The following GALNT18 variants were observed in gnomAD, a reference collection of about 807,000 sequenced individuals.
GALNT18 encodes GalNAc-transferase 18.
In GALNT18, 44 loss-of-function variants were observed where a neutral mutation model predicts 69.5. That is an observed-to-expected ratio of 0.63 (90% CI 0.50 to 0.81). The LOEUF is 0.81. Ranked by LOEUF, GALNT18 falls within the 40% of genes least tolerant of loss-of-function variation. GALNT18 has a pLI of 0.00. For synonymous variants in GALNT18, 364 were observed against 318.2 expected (o/e 1.14, Z -1.53); for missense variants, 715 against 810.0 (o/e 0.88, Z 1.42).
chr11:11,348,872 G>A (rs1455936570), intron 6 of GALNT18, among the ~76,000 whole-genome samples: 6 of 152,150 alleles, frequency 3.9e-5, no homozygotes, highest in East Asian at 3.8e-4. Context: ...CACAGTATGT[G>A]TGATAACTCT....
At chr11:11,291,994 C>T (rs1471128281) in intron 10 of GALNT18, among the ~76,000 whole-genome samples, 1 of 152,148 alleles carries the variant, frequency 6.6e-6, no homozygotes, top group African/African-American at 2.4e-5. Flanking sequence ...CAAGGTATAG[C>T]CAGCTTCCAA....
chr11:11,486,877 A>G (rs915671495), intron 1 of GALNT18, among the ~76,000 whole-genome samples: 4 of 152,238 alleles, frequency 2.6e-5, no homozygotes, highest in Non-Finnish European at 5.9e-5. Flanking sequence ...AGGGAGATGG[A>G]TAAGAGCTGT....
rs1038575 is a variant in GALNT18 at position 11,323,277 on chromosome 11, G to T, written c.1512+3809C>A. On this transcript the variant is annotated intron_variant, in intron 9 of 10. Coordinates refer to ENST00000227756, the MANE Select transcript of GALNT18 (RefSeq NM_198516.3). ...AGACTCCAAGTACAATTCATCCCAA[G>T]GCAAAATTTCTCTTCGAATGTGAGC... Among the ~76,000 whole-genome samples, 45 of 152,286 alleles carry T rather than the reference G, an allele frequency of 3.0e-4. 1 individual carries two copies. The South Asian group carries it at 4.4e-3, about 15-fold the overall frequency.
At chr11:11,531,601 T>TGGC (rs1857649932) in intron 1 of GALNT18, among the ~76,000 whole-genome samples, 1 of 152,100 alleles carries the variant, frequency 6.6e-6, no homozygotes. Flanking sequence ...GTGGTCAGGG[T>TGGC]ATTTCTTCCC....
At position 11,621,463 on chromosome 11, in the gene GALNT18, T is replaced by G; in HGVS notation, c.131A>C (p.Gln44Pro). Residue 44 changes from glutamine to proline, a missense_variant, in exon 1 of 11, where the codon CAG becomes CCG. Coordinates refer to ENST00000227756, the MANE Select transcript of GALNT18 (RefSeq NM_198516.3). The surrounding 1 kb of genome is among the most constrained non-coding windows in gnomAD (Gnocchi z 9.3). ...CAGCTTCTTGTCGGGCGCCGGCTCC[T>G]GCCCCCGCACATACACGCTGGCGAT... ...NYIASVYVRGQEPAPDKKLEE... is the reference protein window; with the variant it reads ...NYIASVYVRGPEPAPDKKLEE... The G allele has an allele frequency of 6.2e-7, 1 of 1,614,140 alleles. No individual in the cohort carries two copies. The highest frequency in any genetic ancestry group is 8.5e-7 in the Non-Finnish European group (1 of 1,180,018).
At chr11:11,567,391 G>A (rs559509974) in intron 1 of GALNT18, among the ~76,000 whole-genome samples, 1 of 152,280 alleles carries the variant, frequency 6.6e-6, no homozygotes, top group Admixed American at 6.5e-5. Flanking sequence ...CTGGGAAGGT[G>A]GAGGCATTTG....
intron 10 of GALNT18, among the ~76,000 whole-genome samples, chr11:11,276,657 T>C (rs1241663821): frequency 6.6e-6 from 1 of 152,208 alleles, no homozygotes; most frequent in Admixed American, 6.5e-5. Flanking sequence ...TTGTCATAAA[T>C]AGCTCTTATT....
chr11:11,400,272 T>C (rs1354111395), intron 3 of GALNT18, among the ~76,000 whole-genome samples: 1 of 152,224 alleles, frequency 6.6e-6, no homozygotes, highest in Non-Finnish European at 1.5e-5. Context: ...AAGACACTCC[T>C]GGATTCCTGA....
At chr11:11,488,119 A>G (rs534312623) in intron 1 of GALNT18, among the ~76,000 whole-genome samples, 93 of 152,250 alleles carry the variant, frequency 6.1e-4, no homozygotes, top group African/African-American at 2.1e-3. Flanking sequence ...TTACTTTCCT[A>G]TTGTTGTGGT....
rs143464263 is a variant in GALNT18, at chr11:11,303,672, G to C, written c.1513-10479C>G. On this transcript the variant is annotated intron_variant, in intron 9 of 10. Coordinates refer to ENST00000227756, the MANE Select transcript of GALNT18 (RefSeq NM_198516.3). ...TGAGCCTTCTGGGGACTCCACATCT[G>C]ACAGGCCACCTTTCAGTGCAGCAGC... 3.9e-3 allele frequency among the ~76,000 whole-genome samples: 590 copies of C among 152,264 alleles called. 4 individuals are homozygous for C. The highest frequency in any genetic ancestry group is 0.013 in the African/African-American group (559 of 41,554).
At chr11:11,495,389 T>C (rs71478969) in intron 1 of GALNT18, among the ~76,000 whole-genome samples, 3,168 of 152,268 alleles carry the variant, frequency 0.021, 55 homozygotes, top group South Asian at 0.038. Context: ...CCAAAATGAA[T>C]TGAACATTTA....
chr11:11,531,102 G>C (rs1392494422), intron 1 of GALNT18, among the ~76,000 whole-genome samples: 1 of 152,204 alleles, frequency 6.6e-6, no homozygotes, highest in Non-Finnish European at 1.5e-5. Context: ...CCTCCTGAGT[G>C]TGCTGCTGTA....
Position 11,573,166 on chromosome 11 carries a change from C to G in GALNT18, c.235+48193G>C, listed in dbSNP as rs183269408. Among the ~76,000 whole-genome samples, 3 of 152,318 alleles carry G rather than the reference C, an allele frequency of 2.0e-5. No individual in the cohort carries two copies. Among genetic ancestry groups the G allele is most frequent in the Admixed American group, 6.5e-5 (1 of 15,314 alleles). The stretch of plus-strand genomic sequence containing the variant: ...AACCCTGCCTTTCTGAACTACAGCG[C>G]CCCTCCAGAGAGCATGTTCATGTTC... On this transcript the variant is annotated intron_variant, in intron 1 of 10. Coordinates refer to ENST00000227756, the MANE Select transcript of GALNT18 (RefSeq NM_198516.3). The surrounding 1 kb of genome is among the most constrained non-coding windows in gnomAD (Gnocchi z 4.6).
Position 11,558,942 on chromosome 11 carries a change from C to G in GALNT18, c.235+62417G>C, listed in dbSNP as rs375807047. On this transcript the variant is annotated intron_variant, in intron 1 of 10. Coordinates refer to ENST00000227756, the MANE Select transcript of GALNT18 (RefSeq NM_198516.3). ...GTTTCTCCCCACCTTGCCAGAGAGG[C>G]TGCACAGCACAGGAGTGAGCACCAT... Among the ~76,000 whole-genome samples, 503 of 152,340 alleles carry G rather than the reference C, an allele frequency of 3.3e-3. 1 individual carries two copies. Among genetic ancestry groups the G allele is most frequent in the African/African-American group, 0.012 (479 of 41,582 alleles).
chr11:11,504,491 T>C (rs1353758704), intron 1 of GALNT18, among the ~76,000 whole-genome samples: 1 of 151,702 alleles, frequency 6.6e-6, no homozygotes, highest in Non-Finnish European at 1.5e-5. Context: ...GCGTGATGGC[T>C]CATGTGTGTA....
intron 3 of GALNT18, among the ~76,000 whole-genome samples, chr11:11,386,576 C>CCCTATT (rs1419245930): frequency 7.9e-5 from 12 of 152,230 alleles, no homozygotes; most frequent in African/African-American, 2.6e-4. Context: ...AAAATATTGA[C>CCCTATT]CCTATTTCTC....
At position 11,586,596 on chromosome 11, in the gene GALNT18, C is replaced by T; in HGVS notation, c.235+34763G>A. 6.6e-6 allele frequency among the ~76,000 whole-genome samples: 1 copy of T among 152,232 alleles called. No individual in the cohort carries two copies. The highest frequency in any genetic ancestry group is 2.1e-4 in the South Asian group (1 of 4,822). On this transcript the variant is annotated intron_variant, in intron 1 of 10. Transcript: ENST00000227756. This position sits in a 1 kb window ranked among gnomAD's most constrained non-coding sequence, Gnocchi z 4.1. ...CCTTTTGCTTAGGCTGTAGTCAGGA[C>T]ATAGTTGATCTTTTAAAAAAAATAA... is the stretch of plus-strand genomic sequence containing the variant.
intron 6 of GALNT18, among the ~76,000 whole-genome samples, chr11:11,360,308 T>C (rs2133079000): frequency 6.6e-6 from 1 of 152,354 alleles, no homozygotes; most frequent in South Asian, 2.1e-4. Context: ...GAGTGGTTGC[T>C]CCCTTCTGCT....
intron 3 of GALNT18, among the ~76,000 whole-genome samples, chr11:11,406,062 C>T (rs1165311227): frequency 2.6e-5 from 4 of 152,248 alleles, no homozygotes; most frequent in Non-Finnish European, 5.9e-5. Context: ...TGAGGATAAA[C>T]ATTCCCCCAC....
Sources: gnomAD v4.1 joint callset for allele counts (sites outside exome capture counted in the v4.1 genomes callset) on GRCh38, gnomAD v4.1.1 for gene constraint, Gnocchi (gnomAD v3.1) non-coding constraint, MANE v1.5 for transcripts, NCBI Gene and HGNC (gene_info 2026-07-23, HGNC 2026-07-21) for gene names.